Variants in ZC3HAV1 observed in about 807,000 individuals in gnomAD.
ZC3HAV1 encodes the protein zinc finger CCCH-type antiviral protein 1.
A neutral mutation model predicts 86.6 loss-of-function variants in ZC3HAV1; 41 were observed. The ratio of observed to expected loss-of-function variants is 0.47; its 90% CI spans 0.37 to 0.61. ZC3HAV1 has a LOEUF of 0.61. ZC3HAV1 is among the 20% of genes least tolerant of loss of function. ZC3HAV1 has a pLI of 0.00. For synonymous variants in ZC3HAV1, 421 were observed against 432.1 expected (o/e 0.97, Z 0.32); for missense variants, 964 against 1,141.1 (o/e 0.84, Z 2.24).
chr7:139,077,816 A>C (rs2130702740), intron 5 of ZC3HAV1, among the ~76,000 whole-genome samples: 1 of 152,208 alleles, frequency 6.6e-6, no homozygotes, highest in East Asian at 1.9e-4. Context: ...TTCAAAACAA[A>C]CAAAAAAGAC....
Position 139,045,996 on chromosome 7 carries a change from T to C in ZC3HAV1, c.*1598A>G, listed in dbSNP as rs1318151955. ...CTGTGATGATCCAAAATCTGACTAA[T>C]ATAAAATCAACTCTGATGCTAATTA... On this transcript the variant is annotated 3_prime_UTR_variant, in exon 13 of 13. Transcript: ENST00000242351. 7.1e-6 allele frequency: 1 copy of C among 140,332 alleles called. No individual in the cohort carries two copies. The highest frequency in any genetic ancestry group is 1.5e-5 in the Non-Finnish European group (1 of 66,306). The allele number at this position is 140,332 out of a possible 1,614,324, so 8.7% of individuals were successfully genotyped here. A position where few individuals can be genotyped will look rare whatever the true frequency, so the allele number is the denominator to read the frequency against.
chr7:139,109,358 G>C lies in ZC3HAV1; in HGVS notation c.-27C>G, dbSNP rs779125855. 1.9e-5 allele frequency: 30 copies of C among 1,538,718 alleles called. No homozygotes were observed. The highest frequency in any genetic ancestry group is 2.4e-5 in the Non-Finnish European group (28 of 1,144,016). On this transcript the variant is annotated 5_prime_UTR_variant, in exon 1 of 13. Transcript: ENST00000242351. ...GCGCGCTGGCTGTGCTGGCTCTGCC[G>C]CGGCGCGGGACTCGGTTCCGCGGAA...
intron 2 of ZC3HAV1, among the ~76,000 whole-genome samples, chr7:139,087,787 G>A (rs1817312950): frequency 1.3e-5 from 2 of 152,032 alleles, no homozygotes. Flanking sequence ...CCAGTACTTT[G>A]AGAGGCTGAG....
chr7:139,051,740 T>G (rs1816130693), intron 12 of ZC3HAV1, among the ~76,000 whole-genome samples: 1 of 152,190 alleles, frequency 6.6e-6, no homozygotes, highest in African/African-American at 2.4e-5. Context: ...ATTTAATTAA[T>G]TATGTAAGAT....
intron 2 of ZC3HAV1, among the ~76,000 whole-genome samples, chr7:139,088,031 C>CAAA (rs10544425): frequency 2.4e-4 from 14 of 57,864 alleles, no homozygotes; most frequent in East Asian, 1.0e-3. Flanking sequence ...GATCCTGTCT[C>CAAA]AAAAAAAAAA....
At chr7:139,099,399 G>A (rs982037340) in intron 1 of ZC3HAV1, among the ~76,000 whole-genome samples, 11 of 152,166 alleles carry the variant, frequency 7.2e-5, no homozygotes, top group African/African-American at 2.4e-4. Context: ...ACATGCAAGA[G>A]TAAAATGCAA....
At chr7:139,097,418 A>AT (rs1563140611) in intron 1 of ZC3HAV1, among the ~76,000 whole-genome samples, 25 of 78,458 alleles carry the variant, frequency 3.2e-4, no homozygotes, top group South Asian at 3.2e-3. Context: ...ATATATATAT[A>AT]TATATATATA....
intron 1 of ZC3HAV1, among the ~76,000 whole-genome samples, chr7:139,097,430 T>TA (rs1563140687): frequency 2.3e-3 from 145 of 61,758 alleles, no homozygotes; most frequent in Middle Eastern, 7.2e-3. Flanking sequence ...ATATATATAT[T>TA]TTTTTTTTTT....
In ZC3HAV1 at chr7:139,073,789, C is replaced by A; in HGVS notation, c.1872+67G>T. 4 of 1,488,466 alleles carry A rather than the reference C, an allele frequency of 2.7e-6. No homozygotes were observed. The South Asian group carries it at 5.2e-5, about 19-fold the overall frequency. The allele number at this position is 1,488,466 out of a possible 1,614,324, so 92.2% of individuals were successfully genotyped here. On this transcript the variant is annotated intron_variant, in intron 7 of 12. Coordinates refer to ENST00000242351, the MANE Select transcript of ZC3HAV1 (RefSeq NM_020119.4). Reference sequence around the variant, plus strand: ...TACAGGCATGAGCCACCGTGCCCAGCCAACAGTGTTCTTTTTAAGTTGACA... The same window carrying A: ...TACAGGCATGAGCCACCGTGCCCAGACAACAGTGTTCTTTTTAAGTTGACA...
chr7:139,085,014 A>G (rs910914329), intron 2 of ZC3HAV1, among the ~76,000 whole-genome samples: 2 of 152,358 alleles, frequency 1.3e-5, no homozygotes, highest in African/African-American at 4.8e-5. Context: ...TGTAACTGCT[A>G]TCAAGTCTAT....
chr7:139,045,601 T>C lies in ZC3HAV1; in HGVS notation c.*1993A>G, dbSNP rs1465283354. The C allele has an allele frequency of 1.3e-5, 2 of 152,096 alleles. No individual in the cohort carries two copies. Among genetic ancestry groups the C allele is most frequent in the Non-Finnish European group, 2.9e-5 (2 of 68,032 alleles). The allele number at this position is 152,096 out of a possible 1,614,324, so 9.4% of individuals were successfully genotyped here. ...ACTTCCAGATTTCTGCTTGAGCCAA[T>C]GGGTAGATGGTGATGCTTTTCACTT... On this transcript the variant is annotated 3_prime_UTR_variant, in exon 13 of 13. Coordinates refer to ENST00000242351, the MANE Select transcript of ZC3HAV1 (RefSeq NM_020119.4).
intron 1 of ZC3HAV1, among the ~76,000 whole-genome samples, chr7:139,104,420 T>C (rs1345175089): frequency 2.0e-5 from 3 of 152,080 alleles, no homozygotes; most frequent in African/African-American, 7.2e-5. Flanking sequence ...AAGTAGCTAG[T>C]TAAGAAGTCA....
intron 7 of ZC3HAV1, among the ~76,000 whole-genome samples, chr7:139,071,750 A>G (rs1457815960): frequency 6.6e-6 from 1 of 152,220 alleles, no homozygotes; most frequent in Non-Finnish European, 1.5e-5. Flanking sequence ...TCCAGGAGAC[A>G]GCTCTGAGCC....
At chr7:139,104,513 A>G (rs1315091369) in intron 1 of ZC3HAV1, among the ~76,000 whole-genome samples, 1 of 151,398 alleles carries the variant, frequency 6.6e-6, no homozygotes, top group Non-Finnish European at 1.5e-5. Flanking sequence ...CAGGAGTTGG[A>G]GACCAGACTG....
At chr7:139,081,731 A>G (rs763190326) in intron 3 of ZC3HAV1, among the ~76,000 whole-genome samples, 23 of 152,244 alleles carry the variant, frequency 1.5e-4, no homozygotes, top group Non-Finnish European at 2.9e-4. Context: ...AAAAAATGAC[A>G]TATCTACCTT....
intron 7 of ZC3HAV1, among the ~76,000 whole-genome samples, chr7:139,071,559 A>C (rs1816774205): frequency 6.6e-6 from 1 of 152,206 alleles, no homozygotes; most frequent in African/African-American, 2.4e-5. Flanking sequence ...TTATAATTTT[A>C]TTTCCACAGG....
In ZC3HAV1 at chr7:139,109,471, C is replaced by T. The variant is rs890112867; in HGVS notation, c.-140G>A. 4.6e-6 allele frequency: 5 copies of T among 1,089,092 alleles called. No homozygotes were observed. The highest frequency in any genetic ancestry group is 5.1e-6 in the Non-Finnish European group (4 of 788,888). The allele number at this position is 1,089,092 out of a possible 1,614,324, so 67.5% of individuals were successfully genotyped here. A position where few individuals can be genotyped will look rare whatever the true frequency, so the allele number is the denominator to read the frequency against. On this transcript the variant is annotated 5_prime_UTR_variant, in exon 1 of 13. Coordinates refer to ENST00000242351, the MANE Select transcript of ZC3HAV1 (RefSeq NM_020119.4). ...CCCGGAGTCAGCGAGGGCGCGCTCT[C>T]CGTCGCCGTTAGCCCAGCCCAGCGA...
At position 139,088,049 on chromosome 7, in the gene ZC3HAV1, A is replaced by G. The variant is rs9689966; in HGVS notation, c.444+1575T>C. On this transcript the variant is annotated intron_variant, in intron 2 of 12. Transcript: ENST00000242351. ...CCTGTCTCAAAAAAAAAAAAAAAAA[A>G]AAAAAAGAAAAAAGAAAAAAAAAGT... 4.1e-3 allele frequency among the ~76,000 whole-genome samples: 623 copies of G among 150,284 alleles called. 2 individuals carry two copies. Among genetic ancestry groups the G allele is most frequent in the African/African-American group, 6.5e-3 (265 of 40,934 alleles).
intron 1 of ZC3HAV1, among the ~76,000 whole-genome samples, chr7:139,094,782 A>ATCTTACTGCGGGGCT (rs1817535794): frequency 6.6e-6 from 1 of 152,180 alleles, no homozygotes; most frequent in South Asian, 2.1e-4. Context: ...GACTGGCTTC[A>ATCTTACTGCGGGGCT]TCTTACTGCG....
Sources: allele counts gnomAD v4.1 joint callset (sites outside exome capture counted in the v4.1 genomes callset), GRCh38; gene constraint gnomAD v4.1.1; transcripts MANE v1.5; gene names NCBI Gene and HGNC (gene_info 2026-07-23, HGNC 2026-07-21).